Variants in SORCS1 observed in about 807,000 individuals in gnomAD.
SORCS1 encodes the protein sortilin related VPS10 domain containing receptor 1.
SORCS1 carries 60 observed loss-of-function variants against 146.1 expected under a neutral mutation model. The observed-to-expected ratio is 0.41, with a 90% CI of 0.33 to 0.51. The LOEUF (loss-of-function observed/expected upper bound fraction) is 0.51, where lower values mean the gene tolerates loss of function less well. Among genes scored for constraint, SORCS1 ranks in the 20% least tolerant of loss-of-function variants. SORCS1 has a pLI of 0.21. For missense variants in SORCS1, 1,352 were observed against 1,487.6 expected (o/e 0.91, Z 1.50); for synonymous variants, 637 against 584.0 (o/e 1.09, Z -1.31).
intron 4 of SORCS1, among the ~76,000 whole-genome samples, chr10:106,763,260 A>G (rs1859287770): frequency 6.6e-6 from 1 of 152,084 alleles, no homozygotes; most frequent in South Asian, 2.1e-4. Flanking sequence ...TCCCACAGAG[A>G]ATTCATCTCT....
intron 1 of SORCS1, among the ~76,000 whole-genome samples, chr10:107,130,497 A>G (rs1040734222): frequency 7.2e-5 from 11 of 152,250 alleles, no homozygotes; most frequent in African/African-American, 2.7e-4. Context: ...CCAGAAGAGC[A>G]AAGGCTGGGA....
At chr10:107,022,811 C>T (rs1958205763) in intron 1 of SORCS1, among the ~76,000 whole-genome samples, 1 of 152,164 alleles carries the variant, frequency 6.6e-6, no homozygotes, top group African/African-American at 2.4e-5. Context: ...ACTTGAATTG[C>T]TTGTTAAAAT....
At chr10:106,745,881 C>A (rs938081601) in intron 5 of SORCS1, among the ~76,000 whole-genome samples, 1 of 152,252 alleles carries the variant, frequency 6.6e-6, no homozygotes, top group South Asian at 2.1e-4. Context: ...ATATTGATAT[C>A]TTGTACTCCT....
intron 3 of SORCS1, among the ~76,000 whole-genome samples, chr10:106,801,196 A>C (rs1055881079): frequency 6.6e-6 from 1 of 152,218 alleles, no homozygotes; most frequent in African/African-American, 2.4e-5. Flanking sequence ...TTCACATACT[A>C]TCATATTAAA....
At chr10:107,065,415 T>TTTTTTCTTTCTTTCTTTC (rs1554937381) in intron 1 of SORCS1, among the ~76,000 whole-genome samples, 4 of 120,396 alleles carry the variant, frequency 3.3e-5, no homozygotes, top group African/African-American at 1.8e-4. Flanking sequence ...TCTCTCTTTC[T>TTTTTTCTTTCTTTCTTTC]TTTCTTTCTT....
intron 1 of SORCS1, among the ~76,000 whole-genome samples, chr10:107,144,123 A>C (rs187978388): frequency 6.6e-6 from 1 of 152,200 alleles, no homozygotes; most frequent in African/African-American, 2.4e-5. Flanking sequence ...TTTCATCTGG[A>C]AAATCCTATT....
chr10:107,146,002 G>C (rs1312385836), intron 1 of SORCS1, among the ~76,000 whole-genome samples: 1 of 151,928 alleles, frequency 6.6e-6, no homozygotes, highest in African/African-American at 2.4e-5. Context: ...CATACCACTG[G>C]GGCAAGCATC....
intron 2 of SORCS1, among the ~76,000 whole-genome samples, chr10:106,942,939 C>T (rs994385574): frequency 1.3e-5 from 2 of 152,164 alleles, no homozygotes; most frequent in African/African-American, 4.8e-5. Context: ...TAGTCTGTCA[C>T]CTCCTTTCTA....
intron 3 of SORCS1, among the ~76,000 whole-genome samples, chr10:106,796,878 G>A (rs1430054266): frequency 6.6e-6 from 1 of 152,230 alleles, no homozygotes; most frequent in African/African-American, 2.4e-5. Context: ...GGGAGGCCAA[G>A]GCGGATGGAT....
chr10:106,615,606 G>C (rs1847308411), intron 21 of SORCS1, among the ~76,000 whole-genome samples: 1 of 152,054 alleles, frequency 6.6e-6, no homozygotes, highest in African/African-American at 2.4e-5. Flanking sequence ...TTGAGGCCAG[G>C]AGTCTGAGAC....
intron 1 of SORCS1, among the ~76,000 whole-genome samples, chr10:107,123,894 G>C (rs189658651): frequency 6.6e-6 from 1 of 150,936 alleles, no homozygotes; most frequent in African/African-American, 2.4e-5. Flanking sequence ...TGGTTAACAC[G>C]GTGAAACCCC....
rs745403863 is a variant in SORCS1 at position 106,960,198 on chromosome 10, C to G, written c.559-3618G>C. Among the ~76,000 whole-genome samples, 2 of 152,254 alleles carry G rather than the reference C, an allele frequency of 1.3e-5. No individual in the cohort carries two copies. Among genetic ancestry groups the G allele is most frequent in the Non-Finnish European group, 2.9e-5 (2 of 68,020 alleles). On this transcript the variant is annotated intron_variant, in intron 1 of 25. Coordinates refer to ENST00000263054, the MANE Select transcript of SORCS1 (RefSeq NM_052918.5). This position sits in a 1 kb window ranked among gnomAD's most constrained non-coding sequence, Gnocchi z 4.4. ...CCCAAATTATCTAAGACTTGATAAC[C>G]TCCACCTATGCCATACCAGGACCTC...
At chr10:106,645,808 T>C (rs1357099066) in intron 18 of SORCS1, among the ~76,000 whole-genome samples, 1 of 152,116 alleles carries the variant, frequency 6.6e-6, no homozygotes, top group Admixed American at 6.5e-5. Flanking sequence ...TAAGGTATTA[T>C]TACAAATACT....
chr10:106,836,474 CAA>C (rs68181690), intron 2 of SORCS1, among the ~76,000 whole-genome samples: 20 of 77,752 alleles, frequency 2.6e-4, no homozygotes, highest in Admixed American at 5.9e-4. Context: ...GACTCGGTCT[CAA>C]AAAAAAAAAA....
intron 24 of SORCS1, among the ~76,000 whole-genome samples, chr10:106,591,725 T>C (rs979556747): frequency 6.6e-6 from 1 of 152,140 alleles, no homozygotes; most frequent in Admixed American, 6.5e-5. Context: ...GTCATGATCA[T>C]CAACATCAGA....
intron 1 of SORCS1, among the ~76,000 whole-genome samples, chr10:107,130,312 G>C (rs1053230123): frequency 1.3e-5 from 2 of 152,320 alleles, no homozygotes; most frequent in African/African-American, 4.8e-5. Context: ...AGTGGACTCT[G>C]CTATACAGTT....
rs373177003 is a variant in SORCS1, at chr10:106,926,130, C to A, written c.626+30383G>T. ...ATATGGCAAGTGCATTCAATCCCAG[C>A]TAAAGCATAGTTATTTGTATCCTTA... On this transcript the variant is annotated intron_variant, in intron 2 of 25. Transcript: ENST00000263054. Among the ~76,000 whole-genome samples the A allele has an allele frequency of 1.9e-3, 267 of 140,688 alleles. 13 individuals are homozygous for A. In the South Asian group the frequency reaches 0.06, roughly 32 times the overall value. The allele number at this position is 140,688 out of a possible 152,430, so 92.3% of individuals were successfully genotyped here.
At chr10:106,827,530 A>G (rs1948355064) in intron 3 of SORCS1, among the ~76,000 whole-genome samples, 1 of 152,218 alleles carries the variant, frequency 6.6e-6, no homozygotes, top group Non-Finnish European at 1.5e-5. Context: ...CACATTGCCT[A>G]GCATACAGTT....
rs7099734 is a variant in SORCS1, at chr10:106,615,945, G to A, written c.2920+2204C>T. On this transcript the variant is annotated intron_variant, in intron 21 of 25. Coordinates refer to ENST00000263054, the MANE Select transcript of SORCS1 (RefSeq NM_052918.5). ...ATACTTGTCTCATGTTTTCTCATCC[G>A]TAAAATGCATAATTATAGAATATTT... Among the ~76,000 whole-genome samples the A allele has an allele frequency of 2.4e-3, 369 of 152,196 alleles. 1 individual carries two copies. The highest frequency in any genetic ancestry group is 6.9e-3 in the African/African-American group (288 of 41,538).
Sources: gnomAD v4.1 joint callset for allele counts (sites outside exome capture counted in the v4.1 genomes callset) on GRCh38, gnomAD v4.1.1 for gene constraint, Gnocchi (gnomAD v3.1) non-coding constraint, MANE v1.5 for transcripts, NCBI Gene and HGNC (gene_info 2026-07-23, HGNC 2026-07-21) for gene names.